MYO1D: variants seen among roughly 807,000 people sequenced by gnomAD.
MYO1D encodes the protein unconventional myosin-Id.
Under a neutral mutation model 122.0 loss-of-function variants are expected in MYO1D, and 83 were observed. That is an observed-to-expected ratio of 0.68 (90% CI 0.57 to 0.82). The LOEUF (loss-of-function observed/expected upper bound fraction) is 0.82. Among genes scored for constraint, MYO1D ranks in the 40% least tolerant of loss-of-function variants. The pLI, the probability that MYO1D is intolerant of heterozygous loss-of-function variation, is 0.00. For missense variants in MYO1D, 1,157 were observed against 1,269.5 expected (o/e 0.91, Z 1.35); for synonymous variants, 464 against 446.9 (o/e 1.04, Z -0.48).
chr17:32,650,628 A>AT (rs2088376041), intron 19 of MYO1D, among the ~76,000 whole-genome samples: 1 of 151,924 alleles, frequency 6.6e-6, no homozygotes, highest in Non-Finnish European at 1.5e-5. Context: ...TTTTATTGCT[A>AT]TATCTTCAAA....
chr17:32,717,307 T>A (rs2150989372), intron 15 of MYO1D, among the ~76,000 whole-genome samples: 1 of 152,378 alleles, frequency 6.6e-6, no homozygotes, highest in Non-Finnish European at 1.5e-5. Context: ...ATCCTTTCCA[T>A]AAATAGGACA....
rs781528302 is a variant in MYO1D, at chr17:32,780,635, G to A, written c.245C>T (p.Ala82Val). ...CTTCATAGCCTTGTAAGCAGCATCC[G>A]CAATAGCAAAAAGGTGAGGCGGTCT... Reference protein sequence around the residue: ...YERPPHLFAIADAAYKAMKRR... With the variant: ...YERPPHLFAIVDAAYKAMKRR... Residue 82 changes from alanine (A) to valine (V), a missense_variant, in exon 2 of 22, where the codon GCG (alanine) becomes GTG (valine). Transcript: ENST00000318217. The A allele has an allele frequency of 3.1e-5, 50 of 1,613,876 alleles. No homozygotes were observed. Among genetic ancestry groups the A allele is most frequent in the South Asian group, 4.4e-5 (4 of 91,070 alleles).
At chr17:32,641,568 T>C (rs2088201532) in intron 19 of MYO1D, among the ~76,000 whole-genome samples, 1 of 152,214 alleles carries the variant, frequency 6.6e-6, no homozygotes. Context: ...AAAGTGTTCC[T>C]ATTTCTCCAC....
chr17:32,818,687 T>C (rs995458939), intron 1 of MYO1D, among the ~76,000 whole-genome samples: 10 of 152,210 alleles, frequency 6.6e-5, no homozygotes, highest in Non-Finnish European at 1.2e-4. Flanking sequence ...CCACTTGCTA[T>C]AGCGATCTTG....
At position 32,763,648 on chromosome 17, in the gene MYO1D, G is replaced by A. The variant is rs192934948; in HGVS notation, c.1035+1230C>T. The stretch of plus-strand genomic sequence containing the variant: ...TTTAAAATAAATATATGGCAGGTGC[G>A]GTGGCTCACGCCTGTAATCCCAGCA... On this transcript the variant is annotated intron_variant, in intron 8 of 21. Transcript: ENST00000318217. Among the ~76,000 whole-genome samples, 250 of 152,264 alleles carry A rather than the reference G, an allele frequency of 1.6e-3. 1 individual carries two copies. Among genetic ancestry groups the A allele is most frequent in the African/African-American group, 5.7e-3 (238 of 41,548 alleles).
intron 1 of MYO1D, among the ~76,000 whole-genome samples, chr17:32,817,867 C>A (rs2151055135): frequency 6.6e-6 from 1 of 152,100 alleles, no homozygotes; most frequent in African/African-American, 2.4e-5. Flanking sequence ...TGGCTCACGC[C>A]TGTAATCCCA....
chr17:32,503,699 G>A (rs1428945515), intron 21 of MYO1D, among the ~76,000 whole-genome samples: 1 of 152,220 alleles, frequency 6.6e-6, no homozygotes, highest in Non-Finnish European at 1.5e-5. Context: ...AAACTCTAGA[G>A]TCACAGAGAC....
chr17:32,830,073 T>C lies in MYO1D; in HGVS notation c.95+46705A>G, dbSNP rs374817007. On this transcript the variant is annotated intron_variant, in intron 1 of 21. Transcript: ENST00000318217. ...AGTTAACTGATTACAATATATATTT[T>C]AGTTTCCATTAAATAAATTTTACTT... 7.9e-5 allele frequency: 12 copies of C among 152,348 alleles called. No individual in the cohort carries two copies. In the East Asian group the frequency reaches 1.3e-3, roughly 17 times the overall value. 9.4% of individuals were successfully genotyped at this position (152,348 alleles called of 1,614,324 possible).
At chr17:32,757,545 G>A (rs2089960418) in intron 10 of MYO1D, among the ~76,000 whole-genome samples, 2 of 151,858 alleles carry the variant, frequency 1.3e-5, no homozygotes, top group Admixed American at 1.3e-4. Flanking sequence ...TTCTAATTAG[G>A]GAGAAAAGTT....
intron 14 of MYO1D, among the ~76,000 whole-genome samples, chr17:32,726,020 G>A (rs900418413): frequency 6.6e-6 from 1 of 152,184 alleles, no homozygotes; most frequent in Admixed American, 6.5e-5. Context: ...AATGAAAACA[G>A]TATAGAAATA....
In MYO1D at chr17:32,659,294, C is replaced by G; in HGVS notation, c.2166G>C (p.Lys722Asn). 6.2e-7 allele frequency: 1 copy of G among 1,614,166 alleles called. No individual in the cohort carries two copies. Among genetic ancestry groups the G allele is most frequent in the South Asian group, 1.1e-5 (1 of 91,076 alleles). The change falls in exon 17 of 22, where the codon AAG (lysine) becomes AAC (asparagine). Residue 722 changes from lysine to asparagine, a missense_variant. By Grantham distance (94) the Lys-to-Asn change is moderately conservative (BLOSUM62 0). Transcript: ENST00000318217. Reference sequence around the variant, plus strand: ...AGTACCTGATTATTGTCAGAGCTGCCTTGGTTCTTTTGTACCGCATGCGGG... The same window carrying G: ...AGTACCTGATTATTGTCAGAGCTGCGTTGGTTCTTTTGTACCGCATGCGGG... ...TLARMRYKRT[K>N]AALTIIRYYR... is the part of the protein sequence containing the mutation.
intron 21 of MYO1D, among the ~76,000 whole-genome samples, chr17:32,572,800 C>T (rs2087243783): frequency 6.6e-6 from 1 of 151,968 alleles, no homozygotes; most frequent in South Asian, 2.1e-4. Flanking sequence ...TGCTTGGTGA[C>T]ATCTCAGATC....
intron 16 of MYO1D, among the ~76,000 whole-genome samples, chr17:32,671,029 A>G (rs967159723): frequency 1.3e-5 from 2 of 152,222 alleles, no homozygotes; most frequent in Non-Finnish European, 2.9e-5. Flanking sequence ...GAGCTGGCCC[A>G]GGGCCATGCC....
Position 32,760,393 on chromosome 17 carries a change from A to G in MYO1D, c.1193T>C (p.Phe398Ser), listed in dbSNP as rs531080431. Reference protein sequence around the residue: ...EIFDNNSFEQFCINYCNEKLQ... With the variant: ...EIFDNNSFEQSCINYCNEKLQ... ...TTTCTCATTGCAGTAATTGATACAG[A>G]ATTGTTCAAAACTACAAGAAAAGGA... Residue 398 changes from phenylalanine (F) to serine (S), a missense_variant, in exon 10 of 22, where the codon TTC becomes TCC. Coordinates refer to ENST00000318217, the MANE Select transcript of MYO1D (RefSeq NM_015194.3). 2.5e-6 allele frequency: 4 copies of G among 1,609,668 alleles called. No individual in the cohort carries two copies. In the Admixed American group the frequency reaches 5.0e-5, roughly 20 times the overall value.
intron 16 of MYO1D, among the ~76,000 whole-genome samples, chr17:32,681,008 A>G (rs2088907524): frequency 6.6e-6 from 1 of 152,034 alleles, no homozygotes; most frequent in African/African-American, 2.4e-5. Flanking sequence ...GAATTTATCC[A>G]TTTCTTCTAG....
intron 1 of MYO1D, among the ~76,000 whole-genome samples, chr17:32,800,689 GTTT>G (rs1351878947): frequency 2.0e-5 from 3 of 151,988 alleles, no homozygotes; most frequent in Non-Finnish European, 4.4e-5. Flanking sequence ...GGAGCTATTT[GTTT>G]TTGTTTTTTT....
At chr17:32,651,532 T>A (rs935945328) in intron 19 of MYO1D, among the ~76,000 whole-genome samples, 1 of 152,168 alleles carries the variant, frequency 6.6e-6, no homozygotes, top group African/African-American at 2.4e-5. Context: ...GACAGAAAAC[T>A]GGCAAATTGC....
At chr17:32,812,005 T>C (rs1269732657) in intron 1 of MYO1D, among the ~76,000 whole-genome samples, 2 of 152,170 alleles carry the variant, frequency 1.3e-5, no homozygotes, top group African/African-American at 4.8e-5. Context: ...CTACTACACT[T>C]CTTGTTATGG....
intron 16 of MYO1D, among the ~76,000 whole-genome samples, chr17:32,680,916 C>A (rs1352091464): frequency 6.6e-6 from 1 of 152,066 alleles, no homozygotes; most frequent in Non-Finnish European, 1.5e-5. Flanking sequence ...TTGATTATTG[C>A]CACAATTTCA....
Sources: allele counts gnomAD v4.1 joint callset (sites outside exome capture counted in the v4.1 genomes callset), GRCh38; gene constraint gnomAD v4.1.1; transcripts MANE v1.5; gene names NCBI Gene and HGNC (gene_info 2026-07-23, HGNC 2026-07-21).